The following DOCK8 variants were observed in gnomAD, a reference collection of about 807,000 sequenced individuals.
The protein encoded by DOCK8 is dedicator of cytokinesis 8, also known as dedicator of cytokinesis protein 8.
Under a neutral mutation model 245.6 loss-of-function variants are expected in DOCK8, and 141 were observed. That is an observed-to-expected ratio of 0.57 (90% CI 0.50 to 0.66). The LOEUF (loss-of-function observed/expected upper bound fraction) is 0.66. Ranked by LOEUF, DOCK8 falls within the 30% of genes least tolerant of loss-of-function variation. The pLI, the probability that DOCK8 is intolerant of heterozygous loss-of-function variation, is 0.00. For missense variants in DOCK8, 2,965 were observed against 2,603.4 expected, an observed-to-expected ratio of 1.14 and a Z score of -3.02; for synonymous variants, 1,168 against 970.2, an observed-to-expected ratio of 1.20 and a Z score of -3.79.
chr9:387,684 T>C (rs1248065808), intron 23 of DOCK8, among the ~76,000 whole-genome samples: 1 of 152,128 alleles, frequency 6.6e-6, no homozygotes, highest in African/African-American at 2.4e-5. Context: ...TACCAGGATT[T>C]AACTATAAAA....
chr9:358,959 AAAAC>A (rs2052586206), intron 14 of DOCK8, among the ~76,000 whole-genome samples: 1 of 152,230 alleles, frequency 6.6e-6, no homozygotes, highest in South Asian at 2.1e-4. Context: ...TGCCAATTTA[AAAAC>A]AAACCAGTTC....
At chr9:249,099 C>A (rs1211036251) in intron 1 of DOCK8, among the ~76,000 whole-genome samples, 5 of 152,218 alleles carry the variant, frequency 3.3e-5, no homozygotes, top group South Asian at 2.1e-4. Flanking sequence ...ACACTTCCCT[C>A]ACCTGGGACT....
At chr9:271,797 C>G (rs536003631) in intron 2 of DOCK8, 68 bp downstream of exon 2, 1 of 1,065,864 alleles carries the variant, frequency 9.4e-7, no homozygotes, top group Admixed American at 2.2e-5. Context: ...ATGTGTTTGC[C>G]TCCTGTTCCT....
At chr9:391,482 A>G (rs180701782) in intron 24 of DOCK8, among the ~76,000 whole-genome samples, 1 of 152,328 alleles carries the variant, frequency 6.6e-6, no homozygotes, top group East Asian at 1.9e-4. Flanking sequence ...TGTTTATCCT[A>G]AAACTTCTAC....
intron 25 of DOCK8, among the ~76,000 whole-genome samples, chr9:398,016 T>C (rs1381215217): frequency 1.3e-5 from 2 of 152,236 alleles, no homozygotes; most frequent in East Asian, 3.8e-4. Flanking sequence ...AAGCAATGTT[T>C]ATTATTAATC....
chr9:400,039 A>ACCT (rs1564011739), intron 26 of DOCK8, among the ~76,000 whole-genome samples: 3 of 116,054 alleles, frequency 2.6e-5, no homozygotes, highest in African/African-American at 3.8e-5. Context: ...CATCACCACC[A>ACCT]CCACCTCCAC....
At chr9:363,848 G>A (rs1777429515) in intron 14 of DOCK8, among the ~76,000 whole-genome samples, 1 of 152,154 alleles carries the variant, frequency 6.6e-6, no homozygotes. Flanking sequence ...GGGTGCATGG[G>A]AATGGGTGGC....
chr9:459,200 A>G (rs541161418), intron 46 of DOCK8, among the ~76,000 whole-genome samples: 1 of 152,354 alleles, frequency 6.6e-6, no homozygotes, highest in African/African-American at 2.4e-5. Flanking sequence ...GTGTCATTTT[A>G]TGATCTTGTG....
intron 14 of DOCK8, among the ~76,000 whole-genome samples, chr9:364,387 C>T (rs2052876599): frequency 2.0e-5 from 3 of 152,094 alleles, no homozygotes; most frequent in Non-Finnish European, 2.9e-5. Flanking sequence ...AATTCCAGCA[C>T]TGTGGGAGGC....
chr9:325,622 A>T, intron 7 of DOCK8, 49 bp from the exon 8 acceptor site: 1 of 1,539,588 alleles, frequency 6.5e-7, no homozygotes, highest in Non-Finnish European at 9.0e-7. Flanking sequence ...AGAAAATTCA[A>T]AATTATCTAA....
chr9:423,949 C>G (rs1012409957), intron 33 of DOCK8, among the ~76,000 whole-genome samples: 1 of 152,122 alleles, frequency 6.6e-6, no homozygotes. Flanking sequence ...TTGGTCCTTA[C>G]CACGCATGGC....
At chr9:356,611 C>T (rs2052460784) in intron 14 of DOCK8, among the ~76,000 whole-genome samples, 1 of 151,882 alleles carries the variant, frequency 6.6e-6, no homozygotes, top group Non-Finnish European at 1.5e-5. Flanking sequence ...AGCCTCTAAG[C>T]ATCCAGATCT....
intron 7 of DOCK8, among the ~76,000 whole-genome samples, chr9:322,794 C>G (rs1401265983): frequency 1.3e-5 from 2 of 152,070 alleles, no homozygotes; most frequent in African/African-American, 4.8e-5. Context: ...AGCCTAGGCC[C>G]AGGAAAGCCT....
intron 1 of DOCK8, among the ~76,000 whole-genome samples, chr9:233,249 G>T (rs2047161339): frequency 1.3e-5 from 2 of 151,892 alleles, no homozygotes; most frequent in South Asian, 2.1e-4. Flanking sequence ...TGATTGCACT[G>T]TGGTCTGAGA....
intron 4 of DOCK8, among the ~76,000 whole-genome samples, chr9:298,890 C>G (rs1382055500): frequency 7.0e-6 from 1 of 143,124 alleles, no homozygotes; most frequent in African/African-American, 2.7e-5. Context: ...TTAAAATGTA[C>G]AAGTCCTTAA....
chr9:300,019 CAA>C (rs71312802), intron 4 of DOCK8, among the ~76,000 whole-genome samples: 160 of 132,828 alleles, frequency 1.2e-3, no homozygotes, highest in Admixed American at 1.4e-3. Context: ...GACTCCGTCT[CAA>C]AAAAAAAAAA....
chr9:405,353 C>T (rs1420267705), intron 27 of DOCK8, among the ~76,000 whole-genome samples: 1 of 152,160 alleles, frequency 6.6e-6, no homozygotes, highest in Non-Finnish European at 1.5e-5. Flanking sequence ...AGAAAAGTCT[C>T]AAATCTTCCT....
chr9:390,693 A>AT (rs2054153151), intron 24 of DOCK8, 127 bp downstream of exon 24: 2 of 820,298 alleles, frequency 2.4e-6, no homozygotes, highest in East Asian at 5.2e-5. Context: ...GAAATCTAAT[A>AT]ATCTCTCACC....
chr9:403,858 ATCTCTC>A (rs749646963), intron 26 of DOCK8, among the ~76,000 whole-genome samples: 1,276 of 83,992 alleles, frequency 0.015, 85 homozygotes, highest in African/African-American at 0.052. Context: ...AAGACTCTGT[ATCTCTC>A]TCTCTCTCTC....
Sources: gnomAD v4.1 joint callset for allele counts (sites outside exome capture counted in the v4.1 genomes callset) on GRCh38, gnomAD v4.1.1 for gene constraint, MANE v1.5 for transcripts, NCBI Gene and HGNC (gene_info 2026-07-23, HGNC 2026-07-21) for gene names.